Variants in ADH7 observed in about 807,000 individuals in gnomAD.
The protein encoded by ADH7 is all-trans-retinol dehydrogenase [NAD(+)] ADH7.
A neutral mutation model predicts 34.4 loss-of-function variants in ADH7; 41 were observed. The observed-to-expected ratio is 1.19, with a 90% CI of 0.93 to 1.55. The LOEUF is 1.55. Among genes scored for constraint, ADH7 ranks in the 40% most tolerant of loss-of-function variants. ADH7 has a pLI of 0.00. For missense variants in ADH7, 540 were observed against 461.2 expected, an observed-to-expected ratio of 1.17 and a Z score of -1.56; for synonymous variants, 180 against 160.9, an observed-to-expected ratio of 1.12 and a Z score of -0.90.
chr4:99,425,388 A>G (rs538048292), intron 5 of ADH7, among the ~76,000 whole-genome samples: 1 of 152,104 alleles, frequency 6.6e-6, no homozygotes, highest in East Asian at 1.9e-4. Context: ...ATGGAAAACA[A>G]AAAAAGGCAG....
intron 5 of ADH7, 60 bp downstream of exon 5, chr4:99,427,713 A>T (rs1015557877): frequency 8.0e-7 from 1 of 1,252,810 alleles, no homozygotes; most frequent in African/African-American, 1.5e-5. Flanking sequence ...TCAAGATTCC[A>T]AGCAAATCAT....
intron 1 of ADH7, among the ~76,000 whole-genome samples, chr4:99,433,514 T>C: frequency 6.6e-6 from 1 of 152,142 alleles, no homozygotes; most frequent in Admixed American, 6.6e-5. Context: ...ATGGGATGAA[T>C]TGTGTCTCCC....
chr4:99,420,439 T>G, intron 6 of ADH7, 94 bp downstream of exon 6: 1 of 1,322,388 alleles, frequency 7.6e-7, no homozygotes, highest in Non-Finnish European at 1.0e-6. Flanking sequence ...ATATTTCCAT[T>G]ATTGACTATT....
intron 5 of ADH7, among the ~76,000 whole-genome samples, chr4:99,424,438 G>A (rs1721748692): frequency 6.6e-6 from 1 of 152,164 alleles, no homozygotes; most frequent in Non-Finnish European, 1.5e-5. Flanking sequence ...AGCTTGATGG[G>A]GATGGCATTG....
chr4:99,422,930 G>T (rs1423195544), intron 5 of ADH7, among the ~76,000 whole-genome samples: 1 of 145,492 alleles, frequency 6.9e-6, no homozygotes, highest in Non-Finnish European at 1.5e-5. Flanking sequence ...ACAATGTGCA[G>T]GTTAGTTACA....
intron 2 of ADH7, among the ~76,000 whole-genome samples, chr4:99,428,851 CT>C (rs1721877882): frequency 6.6e-6 from 1 of 152,162 alleles, no homozygotes; most frequent in Admixed American, 6.6e-5. Flanking sequence ...TAGGTTGAAT[CT>C]TGGTGCCTGT....
chr4:99,419,918 T>G (rs2584465), intron 6 of ADH7, among the ~76,000 whole-genome samples: 2 of 152,028 alleles, frequency 1.3e-5, no homozygotes, highest in African/African-American at 4.8e-5. Flanking sequence ...CCATTTTTCC[T>G]AGTCTCTTTA....
At chr4:99,426,447 C>G (rs1721807005) in intron 5 of ADH7, among the ~76,000 whole-genome samples, 1 of 152,162 alleles carries the variant, frequency 6.6e-6, no homozygotes, top group Non-Finnish European at 1.5e-5. Flanking sequence ...CGCAAATAAA[C>G]TAGAAAATCT....
At chr4:99,418,190 A>G (rs1353602822) in intron 7 of ADH7, among the ~76,000 whole-genome samples, 2 of 152,182 alleles carry the variant, frequency 1.3e-5, no homozygotes, top group African/African-American at 2.4e-5. Context: ...TTGTTTTATA[A>G]TATTTATAGC....
intron 7 of ADH7, among the ~76,000 whole-genome samples, chr4:99,416,515 G>A (rs943374661): frequency 1.3e-5 from 2 of 151,960 alleles, no homozygotes; most frequent in Non-Finnish European, 2.9e-5. Context: ...ATACTACATC[G>A]TCATCATCAT....
intron 8 of ADH7, among the ~76,000 whole-genome samples, chr4:99,414,910 A>T (rs903906825): frequency 2.0e-5 from 3 of 152,214 alleles, no homozygotes; most frequent in Non-Finnish European, 2.9e-5. Context: ...AAAAGATTTT[A>T]AAAAATTGAT....
At chr4:99,423,752 G>T (rs1390138711) in intron 5 of ADH7, among the ~76,000 whole-genome samples, 2 of 151,828 alleles carry the variant, frequency 1.3e-5, no homozygotes, top group Non-Finnish European at 2.9e-5. Flanking sequence ...AAATTTGTTT[G>T]AGTTCATTGT....
chr4:99,424,060 G>A (rs1721738353), intron 5 of ADH7, among the ~76,000 whole-genome samples: 1 of 151,820 alleles, frequency 6.6e-6, no homozygotes, highest in African/African-American at 2.4e-5. Context: ...TTTGTATAAG[G>A]TGTAAGGAAG....
At chr4:99,435,026 C>T (rs1363516701) in intron 1 of ADH7, 190 bp downstream of exon 1, 1 of 1,538,690 alleles carries the variant, frequency 6.5e-7, no homozygotes, top group Non-Finnish European at 8.7e-7. Context: ...TTCCAACTTA[C>T]CCCTGCTTCC....
intron 5 of ADH7, among the ~76,000 whole-genome samples, chr4:99,423,199 A>T (rs1245345720): frequency 6.6e-6 from 1 of 150,860 alleles, no homozygotes; most frequent in Non-Finnish European, 1.5e-5. Context: ...CCTACAAAGG[A>T]CATGAACTCA....
At chr4:99,413,241 T>C in intron 8 of ADH7, 69 bp from the exon 9 acceptor site, 1 of 1,528,852 alleles carries the variant, frequency 6.5e-7, no homozygotes, top group Non-Finnish European at 9.0e-7. Context: ...GTTTAAACAA[T>C]TGTCCTTTCT....
In ADH7 at chr4:99,428,509, A is replaced by C; in HGVS notation, c.242T>G (p.Val81Gly). 2 of 1,613,016 alleles carry C rather than the reference A, an allele frequency of 1.2e-6. No individual in the cohort carries two copies. Among genetic ancestry groups the C allele is most frequent in the Non-Finnish European group, 1.7e-6 (2 of 1,179,680 alleles). ...TGIVESIGEG[V>G]TTVKPGDKVI... is the part of the protein sequence containing the mutation. ...GCATATACCTGGTTTCACTGTAGTCACTCCTTCTCCAATGCTCTCTACAAT... is the reference window on the plus strand; with the variant it reads ...GCATATACCTGGTTTCACTGTAGTCCCTCCTTCTCCAATGCTCTCTACAAT... Residue 81 changes from valine to glycine, a missense_variant, in exon 3 of 9, where the codon GTG (valine) becomes GGG (glycine). Transcript: ENST00000437033.
chr4:99,416,320 C>A (rs956607442), intron 7 of ADH7, among the ~76,000 whole-genome samples: 1 of 151,998 alleles, frequency 6.6e-6, no homozygotes, highest in Admixed American at 6.6e-5. Context: ...CTCTCTGAGC[C>A]CACTCTGATT....
chr4:99,430,754 C>T (rs568851959), intron 1 of ADH7, among the ~76,000 whole-genome samples: 1 of 152,280 alleles, frequency 6.6e-6, no homozygotes, highest in East Asian at 1.9e-4. Flanking sequence ...TCTCACACCA[C>T]ATTCCCAAAC....
Sources: allele counts gnomAD v4.1 joint callset (sites outside exome capture counted in the v4.1 genomes callset), GRCh38; gene constraint gnomAD v4.1.1; transcripts MANE v1.5; gene names NCBI Gene and HGNC (gene_info 2026-07-23, HGNC 2026-07-21).